Variants in ADGRB3 observed in about 807,000 individuals in gnomAD.
The protein encoded by ADGRB3 is adhesion G protein-coupled receptor B3.
In ADGRB3, 37 loss-of-function variants were observed where a neutral mutation model predicts 193.4. That is an observed-to-expected ratio of 0.19 (90% CI 0.15 to 0.25). ADGRB3 has a LOEUF of 0.25. ADGRB3 is among the 10% of genes least tolerant of loss of function. The pLI is 1.00. For synonymous variants in ADGRB3, 690 were observed against 644.2 expected, an observed-to-expected ratio of 1.07 and a Z score of -1.08; for missense variants, 1,637 against 1,852.9, an observed-to-expected ratio of 0.88 and a Z score of 2.14.
At chr6:69,109,348 G>A (rs1016562946) in intron 17 of ADGRB3, among the ~76,000 whole-genome samples, 1 of 152,122 alleles carries the variant, frequency 6.6e-6, no homozygotes, top group East Asian at 1.9e-4. Context: ...GGGGCAATGA[G>A]GGGCATAATA....
At chr6:68,670,571 GT>G (rs1768927122) in intron 3 of ADGRB3, among the ~76,000 whole-genome samples, 2 of 151,626 alleles carry the variant, frequency 1.3e-5, no homozygotes, top group South Asian at 4.1e-4. Context: ...TTGAAAATGA[GT>G]TCAGTATAGG....
Position 68,852,002 on chromosome 6 carries a change from A to T in ADGRB3, c.758-78557A>T, listed in dbSNP as rs1422938005. Among the ~76,000 whole-genome samples the T allele has an allele frequency of 2.6e-5, 4 of 151,360 alleles. No individual in the cohort carries two copies. In the East Asian group the frequency reaches 7.7e-4, roughly 29 times the overall value. ...ATGAGAAAGACACAAAAAAAGTTTT[A>T]AATCTCTTTATATATTATTCATTTC... On this transcript the variant is annotated intron_variant, in intron 3 of 31. Transcript: ENST00000370598.
chr6:69,278,070 T>C (rs1767340173), intron 20 of ADGRB3, among the ~76,000 whole-genome samples: 1 of 152,230 alleles, frequency 6.6e-6, no homozygotes, highest in African/African-American at 2.4e-5. Flanking sequence ...TTTCTTCTTA[T>C]TGATTCTTTC....
chr6:69,055,364 A>G (rs1771513903), intron 15 of ADGRB3, among the ~76,000 whole-genome samples: 1 of 152,174 alleles, frequency 6.6e-6, no homozygotes, highest in South Asian at 2.1e-4. Flanking sequence ...TAAATACCTC[A>G]TGTAAGTGGA....
intron 16 of ADGRB3, among the ~76,000 whole-genome samples, chr6:69,064,088 G>C (rs1771828760): frequency 6.6e-6 from 1 of 151,798 alleles, no homozygotes; most frequent in Non-Finnish European, 1.5e-5. Context: ...TGTAAAATTT[G>C]TGTATTTTCT....
At chr6:69,029,992 A>ACACACACG (rs1387344946) in intron 13 of ADGRB3, among the ~76,000 whole-genome samples, 2 of 151,544 alleles carry the variant, frequency 1.3e-5, no homozygotes, top group African/African-American at 4.9e-5. Flanking sequence ...ACACACACAC[A>ACACACACG]CACACACACA....
intron 17 of ADGRB3, among the ~76,000 whole-genome samples, chr6:69,222,917 T>C (rs1232081022): frequency 6.6e-6 from 1 of 152,142 alleles, no homozygotes; most frequent in East Asian, 1.9e-4. Flanking sequence ...ATGAACCACT[T>C]AGTTTAAGGT....
At chr6:68,972,628 G>C (rs756708876) in intron 8 of ADGRB3, among the ~76,000 whole-genome samples, 1 of 149,700 alleles carries the variant, frequency 6.7e-6, no homozygotes, top group Non-Finnish European at 1.5e-5. Context: ...ACTCGTAGGT[G>C]GTTGGGAGAG....
chr6:69,197,205 C>T (rs1336360007), intron 17 of ADGRB3, among the ~76,000 whole-genome samples: 1 of 151,964 alleles, frequency 6.6e-6, no homozygotes, highest in Non-Finnish European at 1.5e-5. Context: ...ACTTACTAGT[C>T]CCTGCTTTCA....
intron 3 of ADGRB3, among the ~76,000 whole-genome samples, chr6:68,761,229 A>G (rs1384678296): frequency 6.6e-6 from 1 of 152,224 alleles, no homozygotes; most frequent in Non-Finnish European, 1.5e-5. Flanking sequence ...AAAGGCAACA[A>G]GGAGAGAGGG....
At chr6:68,698,496 A>T (rs909469225) in intron 3 of ADGRB3, among the ~76,000 whole-genome samples, 3 of 151,974 alleles carry the variant, frequency 2.0e-5, no homozygotes, top group African/African-American at 7.2e-5. Flanking sequence ...TAATTTTTTC[A>T]GTTTATTTTA....
chr6:69,240,883 C>A (rs538671784), intron 20 of ADGRB3, among the ~76,000 whole-genome samples: 1 of 151,890 alleles, frequency 6.6e-6, no homozygotes, highest in African/African-American at 2.4e-5. Flanking sequence ...GAGAGCTTTC[C>A]TCTGAAATAG....
intron 17 of ADGRB3, among the ~76,000 whole-genome samples, chr6:69,227,200 C>CA (rs1766036321): frequency 6.6e-6 from 1 of 152,064 alleles, no homozygotes; most frequent in South Asian, 2.1e-4. Context: ...ATAGCTAGCA[C>CA]AAAATGCCAA....
At chr6:68,842,296 A>C (rs1173730925) in intron 3 of ADGRB3, among the ~76,000 whole-genome samples, 1 of 151,932 alleles carries the variant, frequency 6.6e-6, no homozygotes, top group African/African-American at 2.4e-5. Flanking sequence ...AACTAAAAAA[A>C]ATCCAAATAA....
At chr6:68,647,111 G>A (rs1310513037) in intron 3 of ADGRB3, among the ~76,000 whole-genome samples, 2 of 152,126 alleles carry the variant, frequency 1.3e-5, no homozygotes. Context: ...AGGTGTAGTA[G>A]CTCTCTAGAA....
intron 31 of ADGRB3, 63 bp from the exon 32 acceptor site, chr6:69,388,640 A>G: frequency 1.4e-6 from 2 of 1,468,898 alleles, no homozygotes; most frequent in Non-Finnish European, 1.8e-6. Context: ...CTTCCTGGAA[A>G]CTTCAACTAG....
intron 3 of ADGRB3, among the ~76,000 whole-genome samples, chr6:68,703,555 G>T (rs181661009): frequency 2.9e-4 from 44 of 152,022 alleles, no homozygotes; most frequent in African/African-American, 8.4e-4. Flanking sequence ...TTTTTTCAAA[G>T]ATTTAATTCA....
At chr6:68,952,309 A>C (rs1421129067) in intron 6 of ADGRB3, among the ~76,000 whole-genome samples, 1 of 152,116 alleles carries the variant, frequency 6.6e-6, no homozygotes, top group Non-Finnish European at 1.5e-5. Flanking sequence ...TTTGACACTA[A>C]AAATTATATA....
At chr6:68,758,358 A>G (rs1766336211) in intron 3 of ADGRB3, among the ~76,000 whole-genome samples, 1 of 152,000 alleles carries the variant, frequency 6.6e-6, no homozygotes, top group African/African-American at 2.4e-5. Flanking sequence ...TTCATTTTGG[A>G]TCATCAAGGT....
Sources: gnomAD v4.1 joint callset for allele counts (sites outside exome capture counted in the v4.1 genomes callset) on GRCh38, gnomAD v4.1.1 for gene constraint, MANE v1.5 for transcripts, NCBI Gene and HGNC (gene_info 2026-07-23, HGNC 2026-07-21) for gene names.